Variants in SYAP1 observed in about 807,000 individuals in gnomAD.
SYAP1 encodes synapse associated protein 1.
In SYAP1, 3 loss-of-function variants were observed where a neutral mutation model predicts 29.6. The observed-to-expected ratio is 0.10, with a 90% confidence interval of 0.05 to 0.26. The LOEUF is 0.26. Ranked by LOEUF, SYAP1 falls within the 10% of genes least tolerant of loss-of-function variation. SYAP1 has a pLI of 1.00. For missense variants in SYAP1, 217 were observed against 264.1 expected (o/e 0.82, Z 1.24); for synonymous variants, 102 against 102.7 (o/e 0.99, Z 0.04).
At chrX:16,736,503 TC>T (rs1926331457) in intron 3 of SYAP1, 2 of 236,372 alleles carry the variant, frequency 8.5e-6, no homozygotes, top group Non-Finnish European at 1.5e-5. Flanking sequence ...TCTGACTTTC[TC>T]TTTTCTTTTC....
At position 16,762,201 on chromosome X, in the gene SYAP1, C is replaced by A. The variant is rs747820451; in HGVS notation, c.*1842C>A. On this transcript the variant is annotated 3_prime_UTR_variant, in exon 9 of 9. Transcript: ENST00000380155. ...AAGCATGTTAAATGTTTTTAAGCAG[C>A]TAAAAGTCCTAGATGGAAGCATATC... is the stretch of plus-strand genomic sequence containing the variant. The A allele has an allele frequency of 4.5e-5, 5 of 111,336 alleles. No homozygotes were observed. The East Asian group carries it at 1.4e-3, about 31-fold the overall frequency. 9.2% of individuals were successfully genotyped at this position (111,336 alleles called of 1,213,427 possible).
At chrX:16,728,590 G>A (rs1490215634) in intron 1 of SYAP1, among the ~76,000 whole-genome samples, 2 of 109,859 alleles carry the variant, frequency 1.8e-5, no homozygotes, top group South Asian at 3.9e-4. Flanking sequence ...ACTTGAACCC[G>A]GGAGGCGGAG....
chrX:16,734,237 G>A (rs1444679640), intron 1 of SYAP1, among the ~76,000 whole-genome samples: 1 of 108,993 alleles, frequency 9.2e-6, no homozygotes, highest in Non-Finnish European at 1.9e-5. Flanking sequence ...AAATTAGCCG[G>A]GTGTGGTGGC....
At chrX:16,741,856 G>A in intron 4 of SYAP1, 67 bp downstream of exon 4, 2 of 751,137 alleles carry the variant, frequency 2.7e-6, no homozygotes, top group African/African-American at 4.2e-5. Flanking sequence ...CTGTTGATGT[G>A]ACTTTAGTAG....
Position 16,752,179 on chromosome X carries a change from A to G in SYAP1, c.576-2766A>G, listed in dbSNP as rs181498672. 5.9e-3 allele frequency among the ~76,000 whole-genome samples: 631 copies of G among 106,174 alleles called. 7 individuals carry two copies. Among genetic ancestry groups the G allele is most frequent in the African/African-American group, 0.02 (591 of 29,228 alleles). 92.2% of individuals were successfully genotyped at this position (106,174 alleles called of 115,157 possible). On this transcript the variant is annotated intron_variant, in intron 5 of 8. Transcript: ENST00000380155. ...TTTTTTGCAGAGATGCGATTTCACCATATTCCCCAGGCTGGTCTCAAACTC... is the reference window on the plus strand; with the variant it reads ...TTTTTTGCAGAGATGCGATTTCACCGTATTCCCCAGGCTGGTCTCAAACTC...
intron 3 of SYAP1, among the ~76,000 whole-genome samples, chrX:16,737,046 C>A (rs1438303770): frequency 8.9e-6 from 1 of 111,760 alleles, no homozygotes; most frequent in Non-Finnish European, 1.9e-5. Flanking sequence ...CTCAGCATGC[C>A]TACTCTTACC....
chrX:16,759,376 A>T (rs960069185), intron 8 of SYAP1, among the ~76,000 whole-genome samples: 3 of 110,509 alleles, frequency 2.7e-5, no homozygotes, highest in Non-Finnish European at 1.9e-5. Flanking sequence ...AAAAAAAAAA[A>T]GAGACAAAAA....
intron 1 of SYAP1, among the ~76,000 whole-genome samples, chrX:16,734,143 C>T (rs1926270538): frequency 9.1e-6 from 1 of 110,234 alleles, no homozygotes; most frequent in East Asian, 2.9e-4. Context: ...CTTTGGGAGG[C>T]CGAAGTGGGT....
chrX:16,721,822 A>C (rs2046598632), intron 1 of SYAP1, among the ~76,000 whole-genome samples: 1 of 111,232 alleles, frequency 9.0e-6, no homozygotes, highest in Non-Finnish European at 1.9e-5. Context: ...GGCGTGAGCC[A>C]CCGTGCCTGG....
At chrX:16,722,921 A>C (rs6632874) in intron 1 of SYAP1, among the ~76,000 whole-genome samples, 37,045 of 111,674 alleles carry the variant, frequency 0.33, 4,589 homozygotes, top group East Asian at 0.59. Flanking sequence ...TCTGAAAAAA[A>C]TAAATAAATA....
rs1926961876 is a variant in SYAP1 at position 16,760,672 on chromosome X, A to G, written c.*313A>G. The stretch of plus-strand genomic sequence containing the variant: ...TAGAGTTCTGTTTTCCATGAGGTCA[A>G]AAATATAATTTATTCCTCAGTCATG... On this transcript the variant is annotated 3_prime_UTR_variant, in exon 9 of 9. Transcript: ENST00000380155. 1 of 125,972 alleles carries G rather than the reference A, an allele frequency of 7.9e-6. No individual in the cohort carries two copies. Among genetic ancestry groups the G allele is most frequent in the African/African-American group, 3.2e-5 (1 of 31,280 alleles). 10.4% of individuals were successfully genotyped at this position (125,972 alleles called of 1,213,427 possible). A position where few individuals can be genotyped will look rare whatever the true frequency, so the allele number is the denominator to read the frequency against.
At chrX:16,756,068 G>A (rs1926835829) in intron 6 of SYAP1, among the ~76,000 whole-genome samples, 1 of 111,815 alleles carries the variant, frequency 8.9e-6, no homozygotes, top group African/African-American at 3.2e-5. Context: ...CCAATTGTCT[G>A]TTATTCTTTA....
At chrX:16,743,552 T>C (rs1481147418) in intron 4 of SYAP1, 149 bp from the exon 5 acceptor site, 2 of 450,446 alleles carry the variant, frequency 4.4e-6, no homozygotes, top group East Asian at 9.2e-5. Context: ...GAGAATTGCT[T>C]GAATCCAGGA....
chrX:16,744,691 G>C (rs1229944137), intron 5 of SYAP1, among the ~76,000 whole-genome samples: 1 of 111,142 alleles, frequency 9.0e-6, no homozygotes, highest in Non-Finnish European at 1.9e-5. Context: ...AATTAGCCGG[G>C]CGTGGTGGTG....
intron 5 of SYAP1, among the ~76,000 whole-genome samples, chrX:16,746,528 C>T (rs946936409): frequency 2.7e-5 from 3 of 110,848 alleles, no homozygotes; most frequent in Non-Finnish European, 5.7e-5. Context: ...TGAGCCACTG[C>T]GCCCAGCTAG....
intron 3 of SYAP1, among the ~76,000 whole-genome samples, chrX:16,737,657 G>A (rs893561446): frequency 9.0e-6 from 1 of 111,625 alleles, no homozygotes; most frequent in Non-Finnish European, 1.9e-5. Flanking sequence ...CAGTTTTGAA[G>A]TGAGTTAGAC....
At position 16,760,493 on chromosome X, in the gene SYAP1, T is replaced by G. The variant is rs1403181183; in HGVS notation, c.*134T>G. On this transcript the variant is annotated 3_prime_UTR_variant, in exon 9 of 9. Coordinates refer to ENST00000380155, the MANE Select transcript of SYAP1 (RefSeq NM_032796.4). ...ATTCAAAATTATTCTTTTTTCAAGTTGAAACTTGCCTCTTCTACTTTAAAA... is the reference window on the plus strand; with the variant it reads ...ATTCAAAATTATTCTTTTTTCAAGTGGAAACTTGCCTCTTCTACTTTAAAA... The G allele has an allele frequency of 1.6e-6, 1 of 628,037 alleles. No individual in the cohort carries two copies. Among genetic ancestry groups the G allele is most frequent in the Admixed American group, 4.8e-5 (1 of 20,749 alleles). The allele number at this position is 628,037 out of a possible 1,213,427, so 51.8% of individuals were successfully genotyped here.
At chrX:16,721,912 C>T (rs1925971155) in intron 1 of SYAP1, among the ~76,000 whole-genome samples, 1 of 111,760 alleles carries the variant, frequency 8.9e-6, no homozygotes, top group Non-Finnish European at 1.9e-5. Context: ...TTTCTGCTCA[C>T]CAGATTCTCT....
At chrX:16,736,511 T>TGA in intron 3 of SYAP1, 1 of 192,474 alleles carries the variant, frequency 5.2e-6, no homozygotes, top group Non-Finnish European at 9.5e-6. Flanking sequence ...TCTCTTTTCT[T>TGA]TTCCCCCACC....
Sources: gnomAD v4.1 joint callset for allele counts (sites outside exome capture counted in the v4.1 genomes callset) on GRCh38, gnomAD v4.1.1 for gene constraint, MANE v1.5 for transcripts, NCBI Gene and HGNC (gene_info 2026-07-23, HGNC 2026-07-21) for gene names.